Variants in MEGF11 observed in about 807,000 individuals in gnomAD.
The protein encoded by MEGF11 is multiple epidermal growth factor-like domains protein 11.
MEGF11 carries 126 observed loss-of-function variants against 146.6 expected under a neutral mutation model. The observed-to-expected ratio is 0.86, with a 90% CI of 0.74 to 1.00. The LOEUF (loss-of-function observed/expected upper bound fraction) is 1.00. Among genes scored for constraint, MEGF11 ranks in the 50% least tolerant of loss-of-function variants. The pLI is 0.00. For missense variants in MEGF11, 1,509 were observed against 1,521.2 expected (o/e 0.99, Z 0.13); for synonymous variants, 532 against 583.4 (o/e 0.91, Z 1.27).
intron 1 of MEGF11, among the ~76,000 whole-genome samples, chr15:66,180,926 C>A (rs2090528278): frequency 6.6e-6 from 1 of 152,214 alleles, no homozygotes; most frequent in African/African-American, 2.4e-5. Flanking sequence ...ACAGAAGAGC[C>A]TTTTGCATCT....
At chr15:66,000,281 C>T (rs35270018) in intron 5 of MEGF11, among the ~76,000 whole-genome samples, 2,076 of 152,266 alleles carry the variant, frequency 0.014, 16 homozygotes, top group East Asian at 0.027. Flanking sequence ...TGGCCCACAC[C>T]ACTTTGGGAG....
intron 10 of MEGF11, among the ~76,000 whole-genome samples, chr15:65,934,143 T>C (rs2079681034): frequency 6.6e-6 from 1 of 152,236 alleles, no homozygotes; most frequent in Admixed American, 6.5e-5. Flanking sequence ...CCAAACACTT[T>C]GCATTTGTCA....
intron 9 of MEGF11, 42 bp downstream of exon 9, chr15:65,964,866 C>T: frequency 6.7e-6 from 10 of 1,492,276 alleles, no homozygotes; most frequent in Non-Finnish European, 9.0e-6. Context: ...TACCTGAGCA[C>T]CCCCCGCCCT....
chr15:66,046,562 A>AG (rs1472269629), intron 5 of MEGF11, among the ~76,000 whole-genome samples: 3 of 152,206 alleles, frequency 2.0e-5, no homozygotes, highest in Non-Finnish European at 4.4e-5. Context: ...CTGCAGGCTG[A>AG]GGGCCTCAGC....
rs573430096 is a variant in MEGF11 at position 66,143,703 on chromosome 15, T to C, written c.-8-15292A>G. 3.3e-5 allele frequency among the ~76,000 whole-genome samples: 5 copies of C among 152,266 alleles called. No individual in the cohort carries two copies. In the South Asian group the frequency reaches 1.0e-3, roughly 32 times the overall value. On this transcript the variant is annotated intron_variant, in intron 1 of 25. Coordinates refer to ENST00000395614, the MANE Select transcript of MEGF11 (RefSeq NM_001385028.1). ...GTCACAGCCTGATCCTATTCTATTCTCTCTACCTGCTTTCCTGGGCCCTCA... is the reference window on the plus strand; with the variant it reads ...GTCACAGCCTGATCCTATTCTATTCCCTCTACCTGCTTTCCTGGGCCCTCA...
Position 66,154,305 on chromosome 15 carries a change from C to T in MEGF11, c.-8-25894G>A, listed in dbSNP as rs527555620. On this transcript the variant is annotated intron_variant, in intron 1 of 25. Coordinates refer to ENST00000395614, the MANE Select transcript of MEGF11 (RefSeq NM_001385028.1). ...TTCTCCCTCCCCAACCTCGCGCTCG[C>T]CCACACTCCATTCTGCTGTACTGAA... Among the ~76,000 whole-genome samples, 79 of 152,160 alleles carry T rather than the reference C, an allele frequency of 5.2e-4. 1 individual carries two copies. The highest frequency in any genetic ancestry group is 1.9e-3 in the African/African-American group (77 of 41,520).
At chr15:66,068,856 G>C (rs1414342215) in intron 5 of MEGF11, among the ~76,000 whole-genome samples, 1 of 152,222 alleles carries the variant, frequency 6.6e-6, no homozygotes, top group African/African-American at 2.4e-5. Context: ...CAAACTCTGT[G>C]GTAATGAGGC....
chr15:65,904,604 G>A (rs943048562), intron 24 of MEGF11, among the ~76,000 whole-genome samples: 1 of 152,172 alleles, frequency 6.6e-6, no homozygotes, highest in Non-Finnish European at 1.5e-5. Flanking sequence ...GCTGTTCTTG[G>A]TTAGGGAATG....
chr15:66,121,620 G>A (rs376634047), intron 3 of MEGF11, among the ~76,000 whole-genome samples: 13 of 152,142 alleles, frequency 8.5e-5, no homozygotes, highest in Non-Finnish European at 1.2e-4. Flanking sequence ...AACCTTGCTC[G>A]TTTGAAGAAC....
intron 1 of MEGF11, among the ~76,000 whole-genome samples, chr15:66,186,465 G>T (rs2090706739): frequency 6.6e-6 from 1 of 152,194 alleles, no homozygotes; most frequent in South Asian, 2.1e-4. Flanking sequence ...TTCTCTGAGG[G>T]CTTAGAGCTC....
chr15:65,962,422 C>CT (rs1692791798), intron 9 of MEGF11, among the ~76,000 whole-genome samples: 1 of 152,156 alleles, frequency 6.6e-6, no homozygotes, highest in Non-Finnish European at 1.5e-5. Flanking sequence ...CTACTGGCAT[C>CT]TAGTGGGTAG....
intron 5 of MEGF11, among the ~76,000 whole-genome samples, chr15:65,986,822 A>C (rs561188212): frequency 1.6e-5 from 2 of 126,868 alleles, no homozygotes; most frequent in Non-Finnish European, 3.1e-5. Flanking sequence ...TTTGAGACAG[A>C]GTCTCAACTC....
rs1216387733 is a variant in MEGF11 at position 65,897,508 on chromosome 15, C to T, written c.*426G>A. 1 of 152,646 alleles carries T rather than the reference C, an allele frequency of 6.6e-6. No individual in the cohort carries two copies. Among genetic ancestry groups the T allele is most frequent in the Non-Finnish European group, 1.5e-5 (1 of 68,434 alleles). 9.5% of individuals were successfully genotyped at this position (152,646 alleles called of 1,614,324 possible). On this transcript the variant is annotated 3_prime_UTR_variant, in exon 26 of 26. Coordinates refer to ENST00000395614, the MANE Select transcript of MEGF11 (RefSeq NM_001385028.1). Reference sequence around the variant, plus strand: ...ATAAAACAGATGTTGATGGTAACAGCAACCAAAAGTACATATACGTTTCAG... The same window carrying T: ...ATAAAACAGATGTTGATGGTAACAGTAACCAAAAGTACATATACGTTTCAG...
rs968632440 is a variant in MEGF11 at position 65,913,895 on chromosome 15, G to T, written c.2552C>A (p.Ala851Asp). ...TAACAGGAGCATGATGCCTGTGACA[G>T]CACCCACCGAGTGCCGCTCTGCACC... is the stretch of plus-strand genomic sequence containing the variant. The part of the protein sequence containing the change: ...ALGAERHSVG[A>D]VTGIMLLLFL... Residue 851 changes from alanine to aspartate, a missense_variant, in exon 20 of 26, where the codon GCT (alanine) becomes GAT (aspartate). Ala to Asp is a moderately radical substitution (Grantham distance 126, BLOSUM62 -2). Coordinates refer to ENST00000395614, the MANE Select transcript of MEGF11 (RefSeq NM_001385028.1). The T allele has an allele frequency of 3.1e-6, 5 of 1,613,914 alleles. No homozygotes were observed. In the African/African-American group the frequency reaches 5.3e-5, roughly 17 times the overall value.
intron 5 of MEGF11, among the ~76,000 whole-genome samples, chr15:66,093,807 G>A (rs934632437): frequency 3.9e-5 from 6 of 152,048 alleles, no homozygotes; most frequent in South Asian, 2.1e-4. Context: ...TGGGTCACTG[G>A]GCCAGCCTGG....
intron 5 of MEGF11, among the ~76,000 whole-genome samples, chr15:66,009,595 T>TTTC (rs201723134): frequency 0.41 from 20,154 of 49,160 alleles, 1,518 homozygotes; most frequent in Middle Eastern, 0.5. Flanking sequence ...CACATATGGT[T>TTTC]TTTTTTTTTT....
intron 5 of MEGF11, among the ~76,000 whole-genome samples, chr15:66,055,640 AAC>A (rs2084644027): frequency 6.6e-6 from 1 of 152,042 alleles, no homozygotes; most frequent in Admixed American, 6.5e-5. Flanking sequence ...TTCGGGACTC[AAC>A]ACAGTTTTCA....
At chr15:65,959,056 T>C (rs926428298) in intron 9 of MEGF11, among the ~76,000 whole-genome samples, 1 of 152,216 alleles carries the variant, frequency 6.6e-6, no homozygotes, top group Non-Finnish European at 1.5e-5. Flanking sequence ...CTGGCTCATA[T>C]TCACTGCCCT....
chr15:65,951,131 C>T (rs1214491413), intron 10 of MEGF11, among the ~76,000 whole-genome samples: 2 of 152,126 alleles, frequency 1.3e-5, no homozygotes, highest in African/African-American at 2.4e-5. Context: ...ATGAGCCACA[C>T]ACAGTGGAAA....
Sources: gnomAD v4.1 joint callset for allele counts (sites outside exome capture counted in the v4.1 genomes callset) on GRCh38, gnomAD v4.1.1 for gene constraint, MANE v1.5 for transcripts, NCBI Gene and HGNC (gene_info 2026-07-23, HGNC 2026-07-21) for gene names.